PCDH9: variants seen among roughly 807,000 people sequenced by gnomAD.
The protein encoded by PCDH9 is protocadherin-9.
Under a neutral mutation model 70.6 loss-of-function variants are expected in PCDH9, and 24 were observed. That is an observed-to-expected ratio of 0.34 (90% confidence interval 0.25 to 0.48). The LOEUF is 0.48. PCDH9 is among the 20% of genes least tolerant of loss of function. PCDH9 has a pLI of 0.99. For synonymous variants in PCDH9, 562 were observed against 558.5 expected, an observed-to-expected ratio of 1.01 and a Z score of -0.09; for missense variants, 1,281 against 1,503.6, an observed-to-expected ratio of 0.85 and a Z score of 2.45.
At chr13:66,450,895 T>C (rs1394371013) in intron 4 of PCDH9, among the ~76,000 whole-genome samples, 1 of 152,132 alleles carries the variant, frequency 6.6e-6, no homozygotes, top group Non-Finnish European at 1.5e-5. Context: ...GCGGCCCCTG[T>C]AGTCCCAGCT....
intron 4 of PCDH9, among the ~76,000 whole-genome samples, chr13:66,537,882 A>G (rs755451017): frequency 2.0e-5 from 3 of 152,100 alleles, no homozygotes; most frequent in Non-Finnish European, 4.4e-5. Context: ...TAAAATTTTC[A>G]TTAAACTCCA....
intron 2 of PCDH9, among the ~76,000 whole-genome samples, chr13:67,004,336 C>T (rs1461932336): frequency 1.3e-5 from 2 of 151,346 alleles, no homozygotes; most frequent in African/African-American, 2.4e-5. Context: ...TTTGGGAGGC[C>T]GAGCCAGGTG....
chr13:67,130,701 A>G (rs1180695054), intron 2 of PCDH9, among the ~76,000 whole-genome samples: 1 of 152,030 alleles, frequency 6.6e-6, no homozygotes, highest in Non-Finnish European at 1.5e-5. Flanking sequence ...TTATCAAACA[A>G]GGGCCAGAAC....
At chr13:66,429,724 A>T (rs900004957) in intron 4 of PCDH9, among the ~76,000 whole-genome samples, 1 of 152,002 alleles carries the variant, frequency 6.6e-6, no homozygotes, top group Admixed American at 6.6e-5. Flanking sequence ...GAAGAAAAAA[A>T]TAACTTTTTC....
At chr13:67,096,433 T>G (rs970735904) in intron 2 of PCDH9, among the ~76,000 whole-genome samples, 1 of 152,104 alleles carries the variant, frequency 6.6e-6, no homozygotes, top group Non-Finnish European at 1.5e-5. Flanking sequence ...TTCTTAAGAG[T>G]AGAAAGAGAG....
intron 4 of PCDH9, among the ~76,000 whole-genome samples, chr13:66,491,970 C>T (rs1158446732): frequency 2.6e-5 from 4 of 152,054 alleles, no homozygotes; most frequent in African/African-American, 9.7e-5. Context: ...AGACCTAAGC[C>T]ATATGTGCAT....
At chr13:66,548,335 C>T (rs536232755) in intron 4 of PCDH9, among the ~76,000 whole-genome samples, 92 of 152,028 alleles carry the variant, frequency 6.1e-4, no homozygotes, top group Admixed American at 2.4e-3. Flanking sequence ...GAGGCCAAGG[C>T]GGGAGGATCA....
intron 4 of PCDH9, among the ~76,000 whole-genome samples, chr13:66,415,978 A>G (rs1566308615): frequency 1.3e-5 from 2 of 152,306 alleles, no homozygotes; most frequent in Non-Finnish European, 1.5e-5. Flanking sequence ...TATTGTCACA[A>G]ATTTTTTATT....
At chr13:66,317,005 C>T (rs1449411123) in intron 4 of PCDH9, among the ~76,000 whole-genome samples, 4 of 152,090 alleles carry the variant, frequency 2.6e-5, no homozygotes, top group African/African-American at 4.8e-5. Flanking sequence ...TTATAGGTGC[C>T]AGCCACTGTG....
chr13:66,659,069 CACA>C (rs957280412), intron 3 of PCDH9, among the ~76,000 whole-genome samples: 3 of 151,856 alleles, frequency 2.0e-5, no homozygotes, highest in Non-Finnish European at 2.9e-5. Context: ...AACAATAAAA[CACA>C]ACAACAACAA....
intron 3 of PCDH9, among the ~76,000 whole-genome samples, chr13:66,788,193 A>G (rs1356234372): frequency 6.6e-6 from 1 of 152,126 alleles, no homozygotes; most frequent in Non-Finnish European, 1.5e-5. Context: ...TTACATCCTC[A>G]CATGGTGGTA....
chr13:67,160,567 T>C (rs1445433289), intron 2 of PCDH9, among the ~76,000 whole-genome samples: 3 of 84,700 alleles, frequency 3.5e-5, no homozygotes, highest in Non-Finnish European at 5.0e-5. Flanking sequence ...AGTGATATAC[T>C]CAAAGGCTAT....
Position 66,807,511 on chromosome 13 carries a change from G to A in PCDH9, c.3138+95993C>T, listed in dbSNP as rs149945349. Among the ~76,000 whole-genome samples, 516 of 152,230 alleles carry A rather than the reference G, an allele frequency of 3.4e-3. 2 individuals are homozygous for A. The highest frequency in any genetic ancestry group is 0.011 in the African/African-American group (450 of 41,550). On this transcript the variant is annotated intron_variant, in intron 3 of 4. Coordinates refer to ENST00000377865, the MANE Select transcript of PCDH9 (RefSeq NM_203487.3). Reference sequence around the variant, plus strand: ...AGCCCATTTTTGTTCTTCAAAAGATGTATAAGTTCCTTAACTTCTCTGGCT... The same window carrying A: ...AGCCCATTTTTGTTCTTCAAAAGATATATAAGTTCCTTAACTTCTCTGGCT...
intron 2 of PCDH9, among the ~76,000 whole-genome samples, chr13:66,942,421 T>C (rs2083020652): frequency 6.6e-6 from 1 of 151,556 alleles, no homozygotes; most frequent in African/African-American, 2.4e-5. Context: ...TGCGTGAAAG[T>C]AAAAAAACCT....
intron 2 of PCDH9, chr13:67,214,564 C>T (rs574172490): frequency 6.6e-6 from 1 of 152,118 alleles, no homozygotes; most frequent in African/African-American, 2.4e-5. Flanking sequence ...AATTTTAAAA[C>T]ATGACATGCA....
chr13:67,195,063 C>G (rs2089023105), intron 2 of PCDH9, among the ~76,000 whole-genome samples: 1 of 151,846 alleles, frequency 6.6e-6, no homozygotes, highest in Non-Finnish European at 1.5e-5. Context: ...CCCTCCAAAC[C>G]ACTGACAAAA....
At chr13:66,952,317 T>C (rs147982520) in intron 2 of PCDH9, among the ~76,000 whole-genome samples, 2,775 of 152,292 alleles carry the variant, frequency 0.018, 46 homozygotes, top group Non-Finnish European at 0.029. Context: ...GTTCTAATTA[T>C]TCAAGCTGAC....
Position 66,672,600 on chromosome 13 carries a change from C to T in PCDH9, c.3139-41189G>A, listed in dbSNP as rs540902998. Among the ~76,000 whole-genome samples, 43 of 152,314 alleles carry T rather than the reference C, an allele frequency of 2.8e-4. 1 individual carries two copies. Among genetic ancestry groups the T allele is most frequent in the African/African-American group, 1.0e-3 (43 of 41,566 alleles). ...ATGGTAGATACACTGAAAGCTTGCA[C>T]CATGTGCCTGGAAAAGCTGCACACA... is the stretch of plus-strand genomic sequence containing the variant. On this transcript the variant is annotated intron_variant, in intron 3 of 4. Transcript: ENST00000377865.
rs910829023 is a variant in PCDH9 at position 66,603,016 on chromosome 13, A to G, written c.3340+28194T>C. 1.4e-5 allele frequency among the ~76,000 whole-genome samples: 2 copies of G among 145,926 alleles called. 1 individual carries two copies. The highest frequency in any genetic ancestry group is 4.9e-5 in the African/African-American group (2 of 40,490). On this transcript the variant is annotated intron_variant, in intron 4 of 4. Coordinates refer to ENST00000377865, the MANE Select transcript of PCDH9 (RefSeq NM_203487.3). Reference sequence around the variant, plus strand: ...TAGGAGTGTGTAGGCGATACCATCTAGGTTTGTGTAAGTACCCTCTTTGAT... The same window carrying G: ...TAGGAGTGTGTAGGCGATACCATCTGGGTTTGTGTAAGTACCCTCTTTGAT...
Sources: allele counts gnomAD v4.1 joint callset (sites outside exome capture counted in the v4.1 genomes callset), GRCh38; gene constraint gnomAD v4.1.1; transcripts MANE v1.5; gene names NCBI Gene and HGNC (gene_info 2026-07-23, HGNC 2026-07-21).